The following ST7 variants were observed in gnomAD, a reference collection of about 807,000 sequenced individuals.
ST7 encodes the protein suppressor of tumorigenicity 7 protein.
Under a neutral mutation model 78.7 loss-of-function variants are expected in ST7, and 28 were observed. The ratio of observed to expected loss-of-function variants is 0.36; its 90% CI spans 0.26 to 0.49. The LOEUF (loss-of-function observed/expected upper bound fraction) is 0.49. Ranked by LOEUF, ST7 falls within the 20% of genes least tolerant of loss-of-function variation. The pLI is 0.99. For missense variants in ST7, 418 were observed against 696.0 expected (o/e 0.60, Z 4.49); for synonymous variants, 247 against 249.6 (o/e 0.99, Z 0.10).
chr7:116,998,211 C>T (rs564525086), intron 1 of ST7, among the ~76,000 whole-genome samples: 50 of 152,312 alleles, frequency 3.3e-4, no homozygotes, highest in Non-Finnish European at 6.6e-4. Context: ...CTGGGGGACC[C>T]GGCGCACCCT....
At chr7:117,066,421 A>T (rs1798633944) in intron 1 of ST7, among the ~76,000 whole-genome samples, 1 of 152,142 alleles carries the variant, frequency 6.6e-6, no homozygotes, top group Admixed American at 6.5e-5. Context: ...TTTTCTAAAT[A>T]GCTTTATTGA....
At chr7:117,057,827 C>A (rs1349284173) in intron 1 of ST7, among the ~76,000 whole-genome samples, 3 of 152,118 alleles carry the variant, frequency 2.0e-5, no homozygotes, top group Non-Finnish European at 4.4e-5. Flanking sequence ...TTTTCTGGGA[C>A]TAACAATTTG....
At chr7:117,193,870 T>C (rs902811059) in intron 12 of ST7, among the ~76,000 whole-genome samples, 3 of 152,252 alleles carry the variant, frequency 2.0e-5, no homozygotes, top group Non-Finnish European at 4.4e-5. Flanking sequence ...CTTCCTTGCA[T>C]TTCCAGCTTC....
Position 117,153,265 on chromosome 7 carries a change from T to G in ST7, c.963+14733T>G, listed in dbSNP as rs148029691. ...GGATGGGTGGGCAGGAGGAATGATT[T>G]CAGCTTTAGATCTGCTAAACCTATG... On this transcript the variant is annotated intron_variant, in intron 9 of 15. Transcript: ENST00000323984. 2.1e-3 allele frequency among the ~76,000 whole-genome samples: 325 copies of G among 152,288 alleles called. 3 individuals are homozygous for G. The highest frequency in any genetic ancestry group is 7.4e-3 in the African/African-American group (306 of 41,564).
At chr7:117,209,595 G>A (rs925894722) in intron 12 of ST7, among the ~76,000 whole-genome samples, 192 bp from the exon 13 acceptor site, 10 of 152,194 alleles carry the variant, frequency 6.6e-5, no homozygotes, top group Admixed American at 4.6e-4. Context: ...ACTAGTACAA[G>A]GCTAATCATC....
chr7:117,196,401 G>C (rs1001365870), intron 12 of ST7, among the ~76,000 whole-genome samples: 1 of 152,080 alleles, frequency 6.6e-6, no homozygotes, highest in Non-Finnish European at 1.5e-5. Flanking sequence ...AGTGCACAAG[G>C]GTTCCAGTTT....
intron 3 of ST7, among the ~76,000 whole-genome samples, chr7:117,120,611 C>T (rs1803291046): frequency 6.6e-6 from 1 of 152,190 alleles, no homozygotes; most frequent in African/African-American, 2.4e-5. Flanking sequence ...TCTCCCTTTT[C>T]CCTTATTCAT....
chr7:117,097,774 A>G (rs1344523300), intron 1 of ST7, among the ~76,000 whole-genome samples: 1 of 144,530 alleles, frequency 6.9e-6, no homozygotes, highest in Non-Finnish European at 1.5e-5. Context: ...CTTTTAAAAA[A>G]TCTCCTTCCT....
chr7:116,963,238 C>T lies in ST7; in HGVS notation c.151+9547C>T, dbSNP rs532170837. ...GTAAATGTGGAATAATATCTCTCAA[C>T]ATCATTATTGTATTTGAGATGTTGT... On this transcript the variant is annotated intron_variant, in intron 1 of 15. Transcript: ENST00000323984. Among the ~76,000 whole-genome samples the T allele has an allele frequency of 3.9e-5, 6 of 152,294 alleles. No individual in the cohort carries two copies. The East Asian group carries it at 1.2e-3, about 29-fold the overall frequency.
chr7:116,972,063 A>T (rs1793455260), intron 1 of ST7: 2 of 483,708 alleles, frequency 4.1e-6, no homozygotes, highest in East Asian at 4.4e-5. Flanking sequence ...GCAGCCTTCC[A>T]GTTAAAGATC....
intron 1 of ST7, among the ~76,000 whole-genome samples, chr7:116,995,739 G>T (rs564832412): frequency 1.2e-4 from 19 of 152,190 alleles, no homozygotes; most frequent in Non-Finnish European, 2.4e-4. Flanking sequence ...TGAGCTATTT[G>T]TTCCAGTCAG....
intron 9 of ST7, among the ~76,000 whole-genome samples, chr7:117,160,653 G>GTTTATATATATA (rs150222080): frequency 6.8e-6 from 1 of 147,624 alleles, no homozygotes; most frequent in African/African-American, 2.5e-5. Flanking sequence ...GTGTGTGTGT[G>GTTTATATATATA]TATATATATA....
intron 1 of ST7, among the ~76,000 whole-genome samples, chr7:117,013,601 G>C (rs892712304): frequency 6.6e-5 from 10 of 152,364 alleles, no homozygotes; most frequent in Non-Finnish European, 1.3e-4. Flanking sequence ...GCTGAGGCGG[G>C]CGGATAACCT....
intron 2 of ST7, among the ~76,000 whole-genome samples, chr7:117,103,815 A>G (rs557882628): frequency 6.6e-6 from 1 of 152,324 alleles, no homozygotes; most frequent in South Asian, 2.1e-4. Context: ...CAAACCATAG[A>G]ATGGGAGAAA....
intron 1 of ST7, among the ~76,000 whole-genome samples, chr7:117,099,053 AAAAAAAAAAAAAC>A (rs1404549724): frequency 1.0e-4 from 15 of 143,716 alleles, no homozygotes; most frequent in East Asian, 4.0e-4. Context: ...TCGCAAAAAA[AAAAAAAAAAAAAC>A]AAAAAAAAAA....
intron 1 of ST7, among the ~76,000 whole-genome samples, chr7:116,958,971 G>A (rs752450596): frequency 4.6e-5 from 7 of 152,142 alleles, no homozygotes; most frequent in Non-Finnish European, 7.4e-5. Context: ...TAAGACAACC[G>A]TAAAGTTTGC....
intron 9 of ST7, among the ~76,000 whole-genome samples, chr7:117,150,187 G>A (rs185180270): frequency 1.3e-5 from 2 of 152,206 alleles, no homozygotes; most frequent in African/African-American, 2.4e-5. Flanking sequence ...AGTCACTATG[G>A]GTATAGACTT....
chr7:117,109,370 G>A (rs552970988), intron 2 of ST7, among the ~76,000 whole-genome samples: 1 of 152,036 alleles, frequency 6.6e-6, no homozygotes, highest in Admixed American at 6.6e-5. Context: ...AATTAGAAAC[G>A]AAATAGGAGA....
At chr7:117,110,537 T>C (rs769352879) in intron 2 of ST7, among the ~76,000 whole-genome samples, 2 of 152,188 alleles carry the variant, frequency 1.3e-5, no homozygotes, top group African/African-American at 4.8e-5. Flanking sequence ...CAGCTAGCAA[T>C]GGAGGAGCAG....
Sources: allele counts gnomAD v4.1 joint callset (sites outside exome capture counted in the v4.1 genomes callset), GRCh38; gene constraint gnomAD v4.1.1; transcripts MANE v1.5; gene names NCBI Gene and HGNC (gene_info 2026-07-23, HGNC 2026-07-21).